The following OR1J2 variants were observed in gnomAD, a reference collection of about 807,000 sequenced individuals.
The protein encoded by OR1J2 is olfactory receptor family 1 subfamily J member 2.
For synonymous variants in OR1J2, 142 were observed against 99.7 expected, an observed-to-expected ratio of 1.42 and a Z score of -2.52; for missense variants, 304 against 246.1, an observed-to-expected ratio of 1.24 and a Z score of -1.57.
the OR1J2 span, among the ~76,000 whole-genome samples, chr9:122,461,543 T>C: frequency 2.6e-5 from 4 of 152,156 alleles, no homozygotes; most frequent in African/African-American, 9.7e-5. Context: ...GACTTTCTGA[T>C]GTAGGCATTT....
chr9:122,568,090 G>C, the OR1J2 span: 2 of 1,614,042 alleles, frequency 1.2e-6, no homozygotes, highest in Non-Finnish European at 1.7e-6. Context: ...TAGTGGAAAG[G>C]GTCACAGACG....
At chr9:122,564,691 C>T in the OR1J2 span, among the ~76,000 whole-genome samples, 1 of 152,208 alleles carries the variant, frequency 6.6e-6, no homozygotes, top group Non-Finnish European at 1.5e-5. Context: ...TGTGGTTTCA[C>T]TGCTTGAGCA....
the OR1J2 span, among the ~76,000 whole-genome samples, chr9:122,535,058 A>G: frequency 1.8e-4 from 27 of 151,952 alleles, no homozygotes; most frequent in Non-Finnish European, 3.2e-4. Context: ...AGAAGGGGGA[A>G]TGGAGGGTGG....
At chr9:122,570,376 C>T in the OR1J2 span, among the ~76,000 whole-genome samples, 2 of 152,218 alleles carry the variant, frequency 1.3e-5, no homozygotes, top group Non-Finnish European at 2.9e-5. Flanking sequence ...TATTCTTTTA[C>T]ACATTGTGAA....
rs113674730 is a variant in OR1J2 at position 122,510,843 on chromosome 9, T to C, written c.42T>C (p.Leu14=). ...ENQSSVSEFL[L]LGLPIRPEQQ... The stretch of plus-strand genomic sequence containing the variant: ...AGAGCAGCGTGTCCGAGTTCCTCCT[T>C]CTGGGCCTCCCCATCCGGCCAGAGC... The change falls in exon 1 of 1, where the codon CTT becomes CTC. Residue 14 remains leucine, a synonymous_variant. Transcript: ENST00000335302. 2.5e-4 allele frequency: 398 copies of C among 1,607,170 alleles called. 5 individuals are homozygous for C. The African/African-American group carries it at 4.0e-3, about 16-fold the overall frequency.
chr9:122,544,942 G>A, the OR1J2 span, among the ~76,000 whole-genome samples: 1 of 151,828 alleles, frequency 6.6e-6, no homozygotes, highest in Non-Finnish European at 1.5e-5. Context: ...GTTATTAACT[G>A]TAGACCTTTT....
the OR1J2 span, among the ~76,000 whole-genome samples, chr9:122,500,706 C>T: frequency 6.6e-6 from 1 of 152,138 alleles, no homozygotes; most frequent in African/African-American, 2.4e-5. Flanking sequence ...AAGTTGATAG[C>T]TAATTTGTAG....
chr9:122,529,610 T>G, the OR1J2 span, among the ~76,000 whole-genome samples: 1 of 152,162 alleles, frequency 6.6e-6, no homozygotes, highest in Non-Finnish European at 1.5e-5. Flanking sequence ...TTGCTCTATT[T>G]TTGGTTTTTC....
chr9:122,516,936 T>C, the OR1J2 span, among the ~76,000 whole-genome samples: 252 of 152,274 alleles, frequency 1.7e-3, 1 homozygote, highest in African/African-American at 5.9e-3. Flanking sequence ...ACTCTGCCAG[T>C]ATCTGCCTGT....
chr9:122,506,927 CA>C (rs1187740582), upstream of OR1J2, among the ~76,000 whole-genome samples: 26 of 152,296 alleles, frequency 1.7e-4, no homozygotes, highest in African/African-American at 6.0e-4. Context: ...CCAAGCATTC[CA>C]AAGTTGTTTT....
chr9:122,467,747 C>T, the OR1J2 span, among the ~76,000 whole-genome samples: 1 of 152,170 alleles, frequency 6.6e-6, no homozygotes, highest in South Asian at 2.1e-4. Context: ...CCTGATCCTA[C>T]CTACTAAAAG....
chr9:122,511,575 G>T lies in OR1J2; in HGVS notation c.774G>T (p.Gln258His). ...TCTATTATGGGTCAATATTTGGCCA[G>T]TACCTTTTCCCGACTGTAAGCAGTT... ...VSLYYGSIFGQYLFPTVSSSI... is the reference protein window; with the variant it reads ...VSLYYGSIFGHYLFPTVSSSI... Residue 258 changes from glutamine to histidine, a missense_variant, in exon 1 of 1, where the codon CAG becomes CAT. Physicochemically the swap from Gln to His is conservative, Grantham distance 24. Coordinates refer to ENST00000335302, the MANE Select transcript of OR1J2 (RefSeq NM_054107.1). The T allele has an allele frequency of 1.3e-6, 1 of 781,090 alleles. No individual in the cohort carries two copies. The highest frequency in any genetic ancestry group is 2.4e-5 in the East Asian group (1 of 41,254). The allele number at this position is 781,090 out of a possible 1,614,324, so 48.4% of individuals were successfully genotyped here.
chr9:122,553,967 G>C, the OR1J2 span: 1 of 1,613,726 alleles, frequency 6.2e-7, no homozygotes, highest in Non-Finnish European at 8.5e-7. Flanking sequence ...CGGTGGTTCT[G>C]CTCTTCTATG....
the OR1J2 span, chr9:122,552,991 G>T: frequency 1.7e-6 from 1 of 583,530 alleles, no homozygotes; most frequent in Non-Finnish European, 3.0e-6. Context: ...ATTGAGATTT[G>T]AATGGATATT....
At chr9:122,456,918 G>A in the OR1J2 span, among the ~76,000 whole-genome samples, 22 of 152,124 alleles carry the variant, frequency 1.4e-4, no homozygotes, top group Non-Finnish European at 3.1e-4. Context: ...AGATACATGC[G>A]TGTGTATGTT....
At chr9:122,460,493 A>G in the OR1J2 span, among the ~76,000 whole-genome samples, 10 of 152,104 alleles carry the variant, frequency 6.6e-5, no homozygotes, top group East Asian at 1.9e-4. Flanking sequence ...TACCAGTACC[A>G]TACTGTTTTG....
chr9:122,523,259 A>G, the OR1J2 span, among the ~76,000 whole-genome samples: 2 of 152,168 alleles, frequency 1.3e-5, no homozygotes, highest in African/African-American at 4.8e-5. Context: ...TGATGTTGCT[A>G]TACATAGGTG....
At chr9:122,528,986 T>G in the OR1J2 span, among the ~76,000 whole-genome samples, 4 of 152,214 alleles carry the variant, frequency 2.6e-5, no homozygotes, top group East Asian at 7.7e-4. Context: ...ATATTTAGAG[T>G]CTATACCTGA....
At chr9:122,492,711 G>A in the OR1J2 span, among the ~76,000 whole-genome samples, 1 of 151,932 alleles carries the variant, frequency 6.6e-6, no homozygotes, top group Non-Finnish European at 1.5e-5. Context: ...TGTTTCTCTT[G>A]TCTGATTGCT....
Sources: allele counts gnomAD v4.1 joint callset (sites outside exome capture counted in the v4.1 genomes callset), GRCh38; gene constraint gnomAD v4.1.1; transcripts MANE v1.5; gene names NCBI Gene and HGNC (gene_info 2026-07-23, HGNC 2026-07-21).